SLC22A24: variants seen among roughly 807,000 people sequenced by gnomAD.
SLC22A24 encodes the protein steroid transmembrane transporter SLC22A24.
SLC22A24 carries 53 observed loss-of-function variants against 49.8 expected under a neutral mutation model. That is an observed-to-expected ratio of 1.06 (90% CI 0.85 to 1.34). The LOEUF (loss-of-function observed/expected upper bound fraction) is 1.34. Among genes scored for constraint, SLC22A24 ranks in the 40% most tolerant of loss-of-function variants. The pLI is 0.00. For missense variants in SLC22A24, 786 were observed against 675.9 expected, an observed-to-expected ratio of 1.16 and a Z score of -1.81; for synonymous variants, 302 against 256.4, an observed-to-expected ratio of 1.18 and a Z score of -1.70.
rs181560076 is a variant in SLC22A24 at position 63,101,804 on chromosome 11, G to C, written c.954+2371C>G. ...TTGCAGCAACATGGATGAAACTGGA[G>C]GTCATTATGTTAAGTGAAATAAGCC... On this transcript the variant is annotated intron_variant, in intron 5 of 9. Transcript: ENST00000612278. 1.6e-3 allele frequency among the ~76,000 whole-genome samples: 238 copies of C among 152,176 alleles called. 1 individual carries two copies. Among genetic ancestry groups the C allele is most frequent in the African/African-American group, 5.5e-3 (227 of 41,550 alleles).
rs147228662 is a variant in SLC22A24, at chr11:63,119,257, G to A, written c.585C>T (p.Thr195=). ...ISNTCAAFAP[T]FLVYCILRFL... ...AGCGCAGTATGCAGTAAACAAGGAA[G>A]GTGGGAGCGAAGGCCGCACAGGTGT... The change falls in exon 3 of 10, where the codon ACC becomes ACT. Residue 195 remains threonine, a synonymous_variant. Coordinates refer to ENST00000612278, the MANE Select transcript of SLC22A24 (RefSeq NM_001136506.2). The A allele has an allele frequency of 2.6e-5, 40 of 1,551,530 alleles. No individual in the cohort carries two copies. The Middle Eastern group carries it at 5.0e-4, about 19-fold the overall frequency.
chr11:63,111,882 C>T (rs1237916039), intron 4 of SLC22A24, among the ~76,000 whole-genome samples: 2 of 151,560 alleles, frequency 1.3e-5, no homozygotes, highest in Non-Finnish European at 2.9e-5. Flanking sequence ...TATTTCTTGC[C>T]TTCTGCTAGC....
chr11:63,140,703 G>C (rs919948300), intron 1 of SLC22A24, among the ~76,000 whole-genome samples: 2 of 152,264 alleles, frequency 1.3e-5, no homozygotes, highest in African/African-American at 4.8e-5. Context: ...AAGTAGCAAA[G>C]AGTTAACATT....
chr11:63,097,920 G>C (rs2087065554), intron 5 of SLC22A24, among the ~76,000 whole-genome samples: 1 of 152,040 alleles, frequency 6.6e-6, no homozygotes, highest in African/African-American at 2.4e-5. Context: ...GGCCTGTTGG[G>C]GGATGGGGGG....
intron 9 of SLC22A24, among the ~76,000 whole-genome samples, chr11:63,080,421 C>A (rs892988766): frequency 1.3e-5 from 2 of 151,420 alleles, no homozygotes; most frequent in African/African-American, 4.8e-5. Flanking sequence ...CCTTCAGATA[C>A]ATCGTTATTT....
chr11:63,084,212 G>A (rs1424364902), intron 6 of SLC22A24, among the ~76,000 whole-genome samples: 2 of 152,192 alleles, frequency 1.3e-5, no homozygotes, highest in African/African-American at 4.8e-5. Flanking sequence ...TCCTGGACTT[G>A]AGTGCAGTGG....
At chr11:63,088,534 T>C (rs1013497484) in intron 6 of SLC22A24, among the ~76,000 whole-genome samples, 1 of 152,102 alleles carries the variant, frequency 6.6e-6, no homozygotes, top group South Asian at 2.1e-4. Flanking sequence ...TCTCCAATGA[T>C]CCCAACTCCT....
At position 63,081,743 on chromosome 11, in the gene SLC22A24, A is replaced by C. The variant is rs1335380745; in HGVS notation, c.1286-77T>G. 7 of 975,400 alleles carry C rather than the reference A, an allele frequency of 7.2e-6. No individual in the cohort carries two copies. In the East Asian group the frequency reaches 1.6e-4, roughly 22 times the overall value. The allele number at this position is 975,400 out of a possible 1,614,324, so 60.4% of individuals were successfully genotyped here. On this transcript the variant is annotated intron_variant, in intron 7 of 9. Transcript: ENST00000612278. Reference sequence around the variant, plus strand: ...CCCCAAATAATTGTAAAAAGATTCTAATGGAGGAATTTGCAAGTGTGAAAT... The same window carrying C: ...CCCCAAATAATTGTAAAAAGATTCTCATGGAGGAATTTGCAAGTGTGAAAT...
At chr11:63,118,807 C>T (rs1252433516) in intron 4 of SLC22A24, 105 bp downstream of exon 4, 4 of 1,210,564 alleles carry the variant, frequency 3.3e-6, no homozygotes, top group East Asian at 5.1e-5. Flanking sequence ...GACATCATGG[C>T]TCAGGACTAG....
At chr11:63,135,500 G>A (rs1303968156) in intron 1 of SLC22A24, among the ~76,000 whole-genome samples, 2 of 152,138 alleles carry the variant, frequency 1.3e-5, no homozygotes, top group Non-Finnish European at 2.9e-5. Context: ...TGTTTAGTTT[G>A]TTTAATTAAT....
chr11:63,124,868 A>C (rs1034717017), intron 2 of SLC22A24, among the ~76,000 whole-genome samples: 31 of 150,032 alleles, frequency 2.1e-4, no homozygotes, highest in Non-Finnish European at 3.3e-4. Flanking sequence ...AAACCAAACA[A>C]CGCATGTTCT....
intron 2 of SLC22A24, among the ~76,000 whole-genome samples, chr11:63,119,787 A>G (rs2087238399): frequency 1.3e-5 from 2 of 152,148 alleles, no homozygotes; most frequent in Admixed American, 1.3e-4. Context: ...AAGACAATAA[A>G]TCAAAGTTGC....
intron 5 of SLC22A24, 137 bp downstream of exon 5, chr11:63,104,038 T>C: frequency 2.7e-6 from 2 of 743,312 alleles, no homozygotes; most frequent in Non-Finnish European, 2.1e-6. Flanking sequence ...AGGAAAGATA[T>C]ATATATTTTA....
chr11:63,130,293 T>C (rs1201965917), intron 2 of SLC22A24, among the ~76,000 whole-genome samples: 1 of 152,236 alleles, frequency 6.6e-6, no homozygotes, highest in African/African-American at 2.4e-5. Context: ...GATTTGCATA[T>C]GTTGAACCAG....
intron 6 of SLC22A24, among the ~76,000 whole-genome samples, chr11:63,089,740 A>G (rs1037203112): frequency 1.3e-5 from 2 of 152,156 alleles, no homozygotes; most frequent in African/African-American, 4.8e-5. Flanking sequence ...AGGAGTTGCA[A>G]TCTTAGTCTC....
At chr11:63,117,309 T>A (rs1260093270) in intron 4 of SLC22A24, among the ~76,000 whole-genome samples, 1 of 152,210 alleles carries the variant, frequency 6.6e-6, no homozygotes, top group Non-Finnish European at 1.5e-5. Flanking sequence ...TCAGTATTCG[T>A]CATGTGTGGC....
chr11:63,117,881 C>T (rs1939743), intron 4 of SLC22A24, among the ~76,000 whole-genome samples: 120,515 of 152,110 alleles, frequency 0.79, 48,944 homozygotes, highest in East Asian at 0.9. Context: ...GGGGTGTTGG[C>T]GCCCCCAACA....
At chr11:63,083,204 G>A in intron 7 of SLC22A24, 39 bp downstream of exon 7, 2 of 1,488,206 alleles carry the variant, frequency 1.3e-6, no homozygotes, top group Non-Finnish European at 1.8e-6. Context: ...GGAGAATGGG[G>A]GTAACTACTT....
intron 6 of SLC22A24, among the ~76,000 whole-genome samples, chr11:63,095,735 A>G (rs2087050193): frequency 1.3e-5 from 2 of 152,230 alleles, no homozygotes; most frequent in Non-Finnish European, 2.9e-5. Flanking sequence ...AAAACTTACT[A>G]TCACCATAAT....
Sources: allele counts gnomAD v4.1 joint callset (sites outside exome capture counted in the v4.1 genomes callset), GRCh38; gene constraint gnomAD v4.1.1; transcripts MANE v1.5; gene names NCBI Gene and HGNC (gene_info 2026-07-23, HGNC 2026-07-21).